The following ZC3H6 variants were observed in gnomAD, a reference collection of about 807,000 sequenced individuals.
The protein encoded by ZC3H6 is zinc finger CCCH-type containing 6, also known as zinc finger CCCH domain-containing protein 6.
Under a neutral mutation model 107.7 loss-of-function variants are expected in ZC3H6, and 40 were observed. That is an observed-to-expected ratio of 0.37 (90% CI 0.29 to 0.48). The LOEUF (loss-of-function observed/expected upper bound fraction) is 0.48, where lower values mean the gene tolerates loss of function less well. Among genes scored for constraint, ZC3H6 ranks in the 20% least tolerant of loss-of-function variants. The pLI is 0.98. For missense variants in ZC3H6, 1,267 were observed against 1,410.4 expected (o/e 0.90, Z 1.63); for synonymous variants, 493 against 487.9 (o/e 1.01, Z -0.14).
chr2:112,316,355 A>G (rs1028495584), intron 5 of ZC3H6, 115 bp from the exon 6 acceptor site: 7 of 678,420 alleles, frequency 1.0e-5, no homozygotes, highest in Admixed American at 3.0e-5. Context: ...AGAATGTTCA[A>G]TCTTGATCAC....
At chr2:112,318,926 A>G (rs1676750340) in intron 7 of ZC3H6, among the ~76,000 whole-genome samples, 1 of 152,222 alleles carries the variant, frequency 6.6e-6, no homozygotes, top group East Asian at 1.9e-4. Context: ...TTTTGATATG[A>G]TACAGTAGAG....
In ZC3H6 at chr2:112,333,648, A is replaced by G. The variant is rs1225159728; in HGVS notation, c.*1160A>G. 1 of 152,168 alleles carries G rather than the reference A, an allele frequency of 6.6e-6. No individual in the cohort carries two copies. Among genetic ancestry groups the G allele is most frequent in the Admixed American group, 6.5e-5 (1 of 15,278 alleles). The allele number at this position is 152,168 out of a possible 1,614,324, so 9.4% of individuals were successfully genotyped here. The stretch of plus-strand genomic sequence containing the variant: ...CTTGTGTATTTATTACAATATATAA[A>G]TAATGGCAACTCTTTGTTTTATACA... On this transcript the variant is annotated 3_prime_UTR_variant, in exon 12 of 12. Coordinates refer to ENST00000409871, the MANE Select transcript of ZC3H6 (RefSeq NM_198581.3).
rs912853923 is a variant in ZC3H6, at chr2:112,310,043, A to G, written c.495A>G (p.Glu165=). The G allele has an allele frequency of 3.7e-6, 6 of 1,613,674 alleles. No homozygotes were observed. In the Admixed American group the frequency reaches 1.0e-4, roughly 27 times the overall value. ...NFGNYGQETE[E]DFANQLKQYR... Reference sequence around the variant, plus strand: ...GTAACTACGGTCAGGAAACAGAGGAAGATTTTGCCAATCAGCTGAAACAAT... The same window carrying G: ...GTAACTACGGTCAGGAAACAGAGGAGGATTTTGCCAATCAGCTGAAACAAT... Residue 165 remains glutamate (E), a synonymous_variant, in exon 4 of 12, where the codon GAA becomes GAG. Coordinates refer to ENST00000409871, the MANE Select transcript of ZC3H6 (RefSeq NM_198581.3).
intron 8 of ZC3H6, among the ~76,000 whole-genome samples, chr2:112,322,103 CCTTCCCGT>C (rs1169866492): frequency 6.7e-6 from 1 of 150,224 alleles, no homozygotes; most frequent in Non-Finnish European, 1.5e-5. Flanking sequence ...CCCCTTCCCT[CCTTCCCGT>C]CTTCCCTCCT....
chr2:112,323,377 A>G (rs1676841899), intron 9 of ZC3H6, among the ~76,000 whole-genome samples: 2 of 152,312 alleles, frequency 1.3e-5, no homozygotes, highest in South Asian at 4.1e-4. Flanking sequence ...CCTAAGTCAC[A>G]TTGTTGAGCA....
rs151125583 is a variant in ZC3H6, at chr2:112,316,353, C to T, written c.748-117C>T. The T allele has an allele frequency of 1.9e-3, 1,270 of 659,398 alleles. 36 individuals are homozygous for T. The East Asian group carries it at 0.029, about 15-fold the overall frequency. The allele number at this position is 659,398 out of a possible 1,614,324, so 40.8% of individuals were successfully genotyped here. A position where few individuals can be genotyped will look rare whatever the true frequency, so the allele number is the denominator to read the frequency against. On this transcript the variant is annotated intron_variant, in intron 5 of 11. Coordinates refer to ENST00000409871, the MANE Select transcript of ZC3H6 (RefSeq NM_198581.3). ...AATAAATGAATAGCATCAGAATGTTCAATCTTGATCACTTTTTGTAGTCAA... is the reference window on the plus strand; with the variant it reads ...AATAAATGAATAGCATCAGAATGTTTAATCTTGATCACTTTTTGTAGTCAA...
intron 5 of ZC3H6, among the ~76,000 whole-genome samples, chr2:112,315,698 C>T (rs1028305867): frequency 3.3e-5 from 5 of 151,872 alleles, no homozygotes; most frequent in South Asian, 2.1e-4. Context: ...CAGGTTCAAG[C>T]GATTCTCGTG....
Position 112,309,915 on chromosome 2 carries a change from T to C in ZC3H6, c.367T>C (p.Ser123Pro). The C allele has an allele frequency of 1.3e-6, 2 of 1,589,948 alleles. No homozygotes were observed. Among genetic ancestry groups the C allele is most frequent in the Non-Finnish European group, 1.7e-6 (2 of 1,167,282 alleles). Residue 123 changes from serine (S) to proline (P), a missense_variant, in exon 4 of 12, where the codon TCA becomes CCA. This residue lies in a region of ZC3H6 where 337 missense variants were observed against 361.2 expected (regional missense o/e 0.93). Transcript: ENST00000409871. ...RGHISGSYITSKKGQHNKKFK... is the reference protein window; with the variant it reads ...RGHISGSYITPKKGQHNKKFK... Reference sequence around the variant, plus strand: ...ACATATATCAGGAAGCTACATAACATCAAAGAAGGGTCAACATAACAAAAA... The same window carrying C: ...ACATATATCAGGAAGCTACATAACACCAAAGAAGGGTCAACATAACAAAAA...
At chr2:112,281,617 A>C (rs1381664572) in intron 1 of ZC3H6, among the ~76,000 whole-genome samples, 1 of 152,246 alleles carries the variant, frequency 6.6e-6, no homozygotes, top group African/African-American at 2.4e-5. Context: ...AGCTATTGTA[A>C]ACGTCTAGAA....
chr2:112,331,576 A>G lies in ZC3H6; in HGVS notation c.2658A>G (p.Pro886=). The change falls in exon 12 of 12, where the codon CCA becomes CCG. Residue 886 remains proline (P), a synonymous_variant. Transcript: ENST00000409871. ...TGTGGGCTCCCGAAGACTTACTTCCAGTACCTTTACCTAAACCTGATCCAG... is the reference window on the plus strand; with the variant it reads ...TGTGGGCTCCCGAAGACTTACTTCCGGTACCTTTACCTAAACCTGATCCAG... The part of the protein sequence containing the change: ...HIVWAPEDLL[P]VPLPKPDPVS... 2.5e-6 allele frequency: 4 copies of G among 1,614,006 alleles called. No homozygotes were observed. Among genetic ancestry groups the G allele is most frequent in the Non-Finnish European group, 3.4e-6 (4 of 1,179,884 alleles).
Position 112,335,418 on chromosome 2 carries a change from T to A in ZC3H6, c.*2930T>A, listed in dbSNP as rs1201148213. On this transcript the variant is annotated 3_prime_UTR_variant, in exon 12 of 12. Coordinates refer to ENST00000409871, the MANE Select transcript of ZC3H6 (RefSeq NM_198581.3). ...GTGTGAACTTTTAGCTCAGCTACTC[T>A]GCTGAATTAATTAGAGGTAGGAAGG... 1 of 152,148 alleles carries A rather than the reference T, an allele frequency of 6.6e-6. No individual in the cohort carries two copies. The highest frequency in any genetic ancestry group is 1.5e-5 in the Non-Finnish European group (1 of 68,008). The allele number at this position is 152,148 out of a possible 1,614,324, so 9.4% of individuals were successfully genotyped here. A position where few individuals can be genotyped will look rare whatever the true frequency, so the allele number is the denominator to read the frequency against.
chr2:112,300,815 G>T (rs1558950118), intron 2 of ZC3H6, among the ~76,000 whole-genome samples: 1 of 152,148 alleles, frequency 6.6e-6, no homozygotes, highest in Non-Finnish European at 1.5e-5. Flanking sequence ...TGGATTTGGG[G>T]TAGGGAAGAA....
chr2:112,335,116 G>C lies in ZC3H6; in HGVS notation c.*2628G>C, dbSNP rs1645370115. The C allele has an allele frequency of 6.6e-6, 1 of 152,170 alleles. No homozygotes were observed. The highest frequency in any genetic ancestry group is 2.1e-4 in the South Asian group (1 of 4,830). The allele number at this position is 152,170 out of a possible 1,614,324, so 9.4% of individuals were successfully genotyped here. A position where few individuals can be genotyped will look rare whatever the true frequency, so the allele number is the denominator to read the frequency against. Reference sequence around the variant, plus strand: ...TGACAATTGAGATTCAGCAACTGCTGTCTCATATCTTGGTTAAGACCTCAT... The same window carrying C: ...TGACAATTGAGATTCAGCAACTGCTCTCTCATATCTTGGTTAAGACCTCAT... On this transcript the variant is annotated 3_prime_UTR_variant, in exon 12 of 12. Coordinates refer to ENST00000409871, the MANE Select transcript of ZC3H6 (RefSeq NM_198581.3).
Position 112,325,032 on chromosome 2 carries a change from A to C in ZC3H6, c.1921A>C (p.Ser641Arg). The C allele has an allele frequency of 6.2e-7, 1 of 1,613,470 alleles. No individual in the cohort carries two copies. Among genetic ancestry groups the C allele is most frequent in the Non-Finnish European group, 8.5e-7 (1 of 1,179,678 alleles). Residue 641 changes from serine (S) to arginine (R), a missense_variant, in exon 11 of 12, where the codon AGT becomes CGT. Transcript: ENST00000409871. ...TGTTCAAGACTCACCTAACCATGGG[A>C]GTGGGTCTGATGGCAGCAGCACTAG... ...PVVQDSPNHGSGSDGSSTRTG... is the reference protein window; with the variant it reads ...PVVQDSPNHGRGSDGSSTRTG...
At chr2:112,278,332 T>C (rs1686465916) in intron 1 of ZC3H6, among the ~76,000 whole-genome samples, 1 of 152,270 alleles carries the variant, frequency 6.6e-6, no homozygotes. Context: ...TATTTTATTT[T>C]TTTGAGACGG....
rs1677143800 is a variant in ZC3H6 at position 112,336,858 on chromosome 2, A to C, written c.*4370A>C. 1 of 152,184 alleles carries C rather than the reference A, an allele frequency of 6.6e-6. No individual in the cohort carries two copies. The highest frequency in any genetic ancestry group is 2.4e-5 in the African/African-American group (1 of 41,442). The allele number at this position is 152,184 out of a possible 1,614,324, so 9.4% of individuals were successfully genotyped here. A position where few individuals can be genotyped will look rare whatever the true frequency, so the allele number is the denominator to read the frequency against. Reference sequence around the variant, plus strand: ...TTAAAATAATATTTTATGCTTTTGGAGACAGGACCCACATGTATCTCCTTA... The same window carrying C: ...TTAAAATAATATTTTATGCTTTTGGCGACAGGACCCACATGTATCTCCTTA... On this transcript the variant is annotated 3_prime_UTR_variant, in exon 12 of 12. Coordinates refer to ENST00000409871, the MANE Select transcript of ZC3H6 (RefSeq NM_198581.3).
intron 10 of ZC3H6, 145 bp from the exon 11 acceptor site, chr2:112,324,819 A>G: frequency 8.8e-7 from 1 of 1,141,548 alleles, no homozygotes; most frequent in South Asian, 1.7e-5. Context: ...CTTTTGAAAC[A>G]ATAGAATTTT....
chr2:112,321,924 A>G, intron 8 of ZC3H6, 59 bp downstream of exon 8: 2 of 747,558 alleles, frequency 2.7e-6, no homozygotes, highest in Non-Finnish European at 4.2e-6. Flanking sequence ...GACTTGAATC[A>G]TATTTTATAA....
intron 1 of ZC3H6, among the ~76,000 whole-genome samples, chr2:112,297,665 C>G (rs1204496523): frequency 6.6e-6 from 1 of 152,044 alleles, no homozygotes; most frequent in African/African-American, 2.4e-5. Context: ...AGCAAAGATA[C>G]TAGTATTTGG....
Sources: gnomAD v4.1 joint callset for allele counts (sites outside exome capture counted in the v4.1 genomes callset) on GRCh38, gnomAD v4.1.1 for gene constraint, gnomAD v4.1.1 regional missense constraint, MANE v1.5 for transcripts, NCBI Gene and HGNC (gene_info 2026-07-23, HGNC 2026-07-21) for gene names.